Variants in ADARB2 observed in about 807,000 individuals in gnomAD.
ADARB2 encodes the protein inactive double-stranded RNA-specific editase B2.
Under a neutral mutation model 62.2 loss-of-function variants are expected in ADARB2, and 25 were observed. That is an observed-to-expected ratio of 0.40 (90% CI 0.29 to 0.56). The LOEUF (loss-of-function observed/expected upper bound fraction) is 0.56, where lower values mean the gene tolerates loss of function less well. Among genes scored for constraint, ADARB2 ranks in the 20% least tolerant of loss-of-function variants. The pLI is 0.43. For synonymous variants in ADARB2, 572 were observed against 500.8 expected (o/e 1.14, Z -1.90); for missense variants, 1,071 against 1,077.4 (o/e 0.99, Z 0.08).
At chr10:1,301,857 T>C (rs4880815) in intron 3 of ADARB2, among the ~76,000 whole-genome samples, 70,691 of 152,050 alleles carry the variant, frequency 0.46, 17,962 homozygotes, top group East Asian at 0.8. Context: ...ACCTGCTGCC[T>C]CCACACATGC....
At chr10:1,598,771 G>C (rs12412159) in intron 1 of ADARB2, among the ~76,000 whole-genome samples, 41,251 of 152,222 alleles carry the variant, frequency 0.27, 5,970 homozygotes, top group Non-Finnish European at 0.33. Flanking sequence ...GCAAGCCAGG[G>C]AGAGCCCTGG....
intron 1 of ADARB2, among the ~76,000 whole-genome samples, chr10:1,478,949 C>A (rs1042350904): frequency 2.0e-5 from 3 of 152,188 alleles, no homozygotes; most frequent in Non-Finnish European, 4.4e-5. Flanking sequence ...GGAGGAGGGG[C>A]CTGCAAACAG....
intron 2 of ADARB2, among the ~76,000 whole-genome samples, chr10:1,376,000 A>G (rs1321405463): frequency 1.3e-5 from 2 of 151,756 alleles, no homozygotes; most frequent in East Asian, 3.9e-4. Context: ...CACGCACATG[A>G]CACATATACA....
intron 3 of ADARB2, among the ~76,000 whole-genome samples, chr10:1,278,435 C>G (rs1373040418): frequency 6.6e-6 from 1 of 151,734 alleles, no homozygotes; most frequent in Non-Finnish European, 1.5e-5. Flanking sequence ...CCCTCCCCAC[C>G]AGTATTCCCC....
intron 1 of ADARB2, among the ~76,000 whole-genome samples, chr10:1,538,526 G>A (rs538276828): frequency 2.6e-5 from 4 of 152,326 alleles, no homozygotes; most frequent in Admixed American, 2.0e-4. Flanking sequence ...AGGATCACGC[G>A]GCCCCCAGAG....
chr10:1,211,491 C>T (rs1837151269), intron 7 of ADARB2, among the ~76,000 whole-genome samples: 1 of 152,164 alleles, frequency 6.6e-6, no homozygotes, highest in Non-Finnish European at 1.5e-5. Context: ...CCCCACCTGC[C>T]AGAAGCTTAG....
At chr10:1,479,498 A>C (rs1831442001) in intron 1 of ADARB2, among the ~76,000 whole-genome samples, 1 of 152,196 alleles carries the variant, frequency 6.6e-6, no homozygotes, top group South Asian at 2.1e-4. Flanking sequence ...AGGATCTCAC[A>C]GCCTAGCTTT....
At chr10:1,678,293 G>A in intron 1 of ADARB2, 1 of 985,182 alleles carries the variant, frequency 1.0e-6, no homozygotes, top group Non-Finnish European at 1.2e-6. Context: ...GCGTCCTCGG[G>A]GTGAGCATCC....
At chr10:1,224,110 T>C (rs1731450656) in intron 6 of ADARB2, among the ~76,000 whole-genome samples, 1 of 152,224 alleles carries the variant, frequency 6.6e-6, no homozygotes, top group South Asian at 2.1e-4. Flanking sequence ...GAGCCTGTTA[T>C]TGGTATATTC....
intron 5 of ADARB2, among the ~76,000 whole-genome samples, chr10:1,234,622 T>C (rs1479122657): frequency 6.6e-6 from 1 of 151,412 alleles, no homozygotes; most frequent in Non-Finnish European, 1.5e-5. Flanking sequence ...TTTACTTTTT[T>C]TTAGAGACAG....
intron 1 of ADARB2, among the ~76,000 whole-genome samples, chr10:1,651,834 G>C (rs1834115041): frequency 4.5e-5 from 1 of 22,326 alleles, no homozygotes; most frequent in African/African-American, 9.4e-5. Flanking sequence ...GCCCCTCAGG[G>C]CTCTTCTCAC....
intron 4 of ADARB2, among the ~76,000 whole-genome samples, chr10:1,242,667 C>T (rs924853427): frequency 1.3e-5 from 2 of 152,194 alleles, no homozygotes; most frequent in African/African-American, 4.8e-5. Flanking sequence ...CTAGCTGCGG[C>T]CTGGGCTTCC....
intron 1 of ADARB2, among the ~76,000 whole-genome samples, chr10:1,462,029 A>G (rs1296249195): frequency 6.6e-6 from 1 of 152,218 alleles, no homozygotes; most frequent in Non-Finnish European, 1.5e-5. Context: ...GTTAATTATT[A>G]AAAGTTGTTT....
intron 4 of ADARB2, among the ~76,000 whole-genome samples, chr10:1,270,636 G>A (rs931488200): frequency 1.3e-5 from 2 of 152,146 alleles, no homozygotes; most frequent in Admixed American, 6.5e-5. Context: ...AGCGTTCGGG[G>A]TGGGTTACAC....
At chr10:1,697,376 C>T (rs1440652331) in intron 1 of ADARB2, among the ~76,000 whole-genome samples, 1 of 152,178 alleles carries the variant, frequency 6.6e-6, no homozygotes, top group East Asian at 1.9e-4. Flanking sequence ...GCCAGCAAGT[C>T]AGTAGTGTGA....
At chr10:1,360,584 T>C (rs898173563) in intron 3 of ADARB2, among the ~76,000 whole-genome samples, 2 of 152,338 alleles carry the variant, frequency 1.3e-5, no homozygotes, top group Admixed American at 1.3e-4. Flanking sequence ...TTGAATTTAA[T>C]AAACTGCTGA....
At chr10:1,382,705 ACT>A (rs1491256382) in intron 1 of ADARB2, among the ~76,000 whole-genome samples, 1 of 127,632 alleles carries the variant, frequency 7.8e-6, no homozygotes, top group African/African-American at 3.1e-5. Flanking sequence ...AGGATGCCAT[ACT>A]TTTTTTTTTT....
chr10:1,658,005 CTCTG>C (rs763333917), intron 1 of ADARB2, among the ~76,000 whole-genome samples: 111 of 149,858 alleles, frequency 7.4e-4, no homozygotes, highest in Non-Finnish European at 1.2e-3. Flanking sequence ...TTCTGTGTCT[CTCTG>C]TCTCTTATCT....
At chr10:1,688,068 C>T (rs1328363036) in intron 1 of ADARB2, among the ~76,000 whole-genome samples, 1 of 152,178 alleles carries the variant, frequency 6.6e-6, no homozygotes, top group African/African-American at 2.4e-5. Context: ...TTAAGTAAAA[C>T]AATATAACCA....
Sources: allele counts gnomAD v4.1 joint callset (sites outside exome capture counted in the v4.1 genomes callset), GRCh38; gene constraint gnomAD v4.1.1; transcripts MANE v1.5; gene names NCBI Gene and HGNC (gene_info 2026-07-23, HGNC 2026-07-21).